The following MGAT4D variants were observed in gnomAD, a reference collection of about 807,000 sequenced individuals.
MGAT4D encodes the protein MGAT4 family member D, also known as alpha-1,3-mannosyl-glycoprotein 4-beta-N-acetylglucosaminyltransferase-like protein MGAT4D.
A neutral mutation model predicts 15.9 loss-of-function variants in MGAT4D; 34 were observed. The ratio of observed to expected loss-of-function variants is 2.14; its 90% CI spans 1.62 to 2.84. The LOEUF (loss-of-function observed/expected upper bound fraction) is 2.84, where lower values mean the gene tolerates loss of function less well. MGAT4D is among the 30% of genes most tolerant of loss of function. The pLI is 0.00. For missense variants in MGAT4D, 327 were observed against 140.2 expected (o/e 2.33, Z -6.73); for synonymous variants, 112 against 48.2 (o/e 2.33, Z -5.49).
At chr4:140,488,501 G>A (rs1236015963) in intron 1 of MGAT4D, among the ~76,000 whole-genome samples, 1 of 152,218 alleles carries the variant, frequency 6.6e-6, no homozygotes, top group Non-Finnish European at 1.5e-5. Context: ...AGTGCCACAG[G>A]CACAGGAAGG....
At chr4:140,452,628 T>A (rs1176688411) in intron 9 of MGAT4D, among the ~76,000 whole-genome samples, 2 of 152,192 alleles carry the variant, frequency 1.3e-5, no homozygotes, top group Non-Finnish European at 2.9e-5. Flanking sequence ...GTTGCTTACC[T>A]GTTTTGAGAG....
chr4:140,443,890 A>G (rs1393106665), intron 10 of MGAT4D, among the ~76,000 whole-genome samples: 1 of 152,152 alleles, frequency 6.6e-6, no homozygotes, highest in African/African-American at 2.4e-5. Context: ...TAAATTTAAA[A>G]TGAGGACTGA....
chr4:140,474,612 G>A (rs1052152370), intron 4 of MGAT4D, among the ~76,000 whole-genome samples: 5 of 152,160 alleles, frequency 3.3e-5, no homozygotes, highest in African/African-American at 9.7e-5. Context: ...TGTCCTTTTA[G>A]ATTTACATAT....
At chr4:140,466,695 G>C (rs1031186469) in intron 5 of MGAT4D, among the ~76,000 whole-genome samples, 10 of 152,050 alleles carry the variant, frequency 6.6e-5, no homozygotes, top group Admixed American at 6.5e-4. Context: ...GAACAATTGT[G>C]ATTTTTTTCC....
chr4:140,449,377 A>AT (rs1339447742), intron 10 of MGAT4D, among the ~76,000 whole-genome samples: 2 of 152,194 alleles, frequency 1.3e-5, no homozygotes, highest in East Asian at 3.8e-4. Flanking sequence ...TTAAGTTATT[A>AT]TTTTTTGAAC....
Position 140,494,652 on chromosome 4 carries a change from G to GCT in MGAT4D, c.94+3476_94+3477insAG, listed in dbSNP as rs1484096719. Among the ~76,000 whole-genome samples, 13 of 152,254 alleles carry GCT rather than the reference G, an allele frequency of 8.5e-5. No homozygotes were observed. In the East Asian group the frequency reaches 2.1e-3, roughly 25 times the overall value. On this transcript the variant is annotated intron_variant, in intron 1 of 10. Transcript: ENST00000511113. ...TACCCCCAAACCTGCTCCTACCCCA[G>GCT]CCTTTGCTATTTCGGTAAATGGCAG...
At chr4:140,497,764 G>C (rs1733931645) in intron 1 of MGAT4D, among the ~76,000 whole-genome samples, 1 of 152,240 alleles carries the variant, frequency 6.6e-6, no homozygotes, top group African/African-American at 2.4e-5. Flanking sequence ...CAGTTCTTGG[G>C]GTCAGACAGC....
chr4:140,489,203 A>C (rs1733348053), intron 1 of MGAT4D, among the ~76,000 whole-genome samples: 1 of 152,158 alleles, frequency 6.6e-6, no homozygotes, highest in South Asian at 2.1e-4. Context: ...TGTGGTTCCA[A>C]ATAAAGAATA....
chr4:140,456,740 A>C (rs917023706), intron 8 of MGAT4D, 21 bp from the exon 9 acceptor site: 5 of 639,320 alleles, frequency 7.8e-6, no homozygotes, highest in Admixed American at 5.2e-5. Context: ...AAATACAATT[A>C]GATGCAAATA....
chr4:140,495,777 C>T (rs1733796948), intron 1 of MGAT4D, among the ~76,000 whole-genome samples: 1 of 152,132 alleles, frequency 6.6e-6, no homozygotes, highest in South Asian at 2.1e-4. Flanking sequence ...TGCTCTGTCA[C>T]CCAGGCTGAA....
rs114995586 is a variant in MGAT4D at position 140,459,630 on chromosome 4, A to G, written c.763-4T>C. The G allele has an allele frequency of 0.042, 17,217 of 407,880 alleles. 434 individuals carry two copies. The highest frequency in any genetic ancestry group is 0.057 in the Non-Finnish European group (13,100 of 229,248). 25.3% of individuals were successfully genotyped at this position (407,880 alleles called of 1,614,324 possible). ...TAGCTATGATATCATCTTCTAGCTG[A>G]AAAAAAAAACCCAAAAAGACATTAA... On this transcript the variant is annotated splice_region_variant and splice_polypyrimidine_tract_variant and intron_variant, in intron 7 of 10. Transcript: ENST00000511113.
intron 3 of MGAT4D, among the ~76,000 whole-genome samples, chr4:140,478,647 A>G (rs1732496665): frequency 6.6e-6 from 1 of 152,218 alleles, no homozygotes; most frequent in Admixed American, 6.5e-5. Flanking sequence ...GTAAGAAAAC[A>G]TAGAACTCAG....
At chr4:140,488,979 G>A (rs1375010699) in intron 1 of MGAT4D, among the ~76,000 whole-genome samples, 2 of 152,124 alleles carry the variant, frequency 1.3e-5, no homozygotes, top group African/African-American at 4.8e-5. Context: ...CACCATGTTT[G>A]TAGGGCCTGC....
At chr4:140,446,743 G>GTTTTTTTTTTTTTTTTTTTTTTTTT (rs149442061) in intron 10 of MGAT4D, among the ~76,000 whole-genome samples, 4 of 8,170 alleles carry the variant, frequency 4.9e-4, no homozygotes, top group Non-Finnish European at 6.7e-4. Flanking sequence ...TGCTTCTCTA[G>GTTTTTTTTTTTTTTTTTTTTTTTTT]TTTTTTTTTT....
intron 6 of MGAT4D, among the ~76,000 whole-genome samples, chr4:140,462,296 T>G (rs1290837088): frequency 1.3e-5 from 2 of 152,186 alleles, no homozygotes; most frequent in Non-Finnish European, 2.9e-5. Context: ...GTGTTAATAT[T>G]CTTTCTGATT....
At chr4:140,446,880 T>C (rs1299170624) in intron 10 of MGAT4D, among the ~76,000 whole-genome samples, 1 of 150,102 alleles carries the variant, frequency 6.7e-6, no homozygotes, top group Non-Finnish European at 1.5e-5. Flanking sequence ...CTTAGCTGTG[T>C]CCCAGAAATT....
rs2126857433 is a variant in MGAT4D at position 140,487,895 on chromosome 4, C to T, written c.95-5410G>A. Among the ~76,000 whole-genome samples, 4 of 152,264 alleles carry T rather than the reference C, an allele frequency of 2.6e-5. No individual in the cohort carries two copies. In the Middle Eastern group the frequency reaches 0.01, roughly 388 times the overall value. ...ATAAGTCTCCGGCATCAGCTGTGAG[C>T]TTGTTAGAAATGCAGTATCTCAGGC... On this transcript the variant is annotated intron_variant, in intron 1 of 10. Transcript: ENST00000511113.
intron 2 of MGAT4D, among the ~76,000 whole-genome samples, chr4:140,480,993 A>C (rs938887504): frequency 6.6e-6 from 1 of 152,184 alleles, no homozygotes; most frequent in African/African-American, 2.4e-5. Flanking sequence ...GAAATACAAC[A>C]TAAAGCTATG....
chr4:140,479,527 A>C lies in MGAT4D; in HGVS notation c.354T>G (p.Ile118Met), dbSNP rs928557789. The C allele has an allele frequency of 7.2e-6, 4 of 555,268 alleles. No homozygotes were observed. The highest frequency in any genetic ancestry group is 1.3e-5 in the Non-Finnish European group (4 of 314,848). 34.4% of individuals were successfully genotyped at this position (555,268 alleles called of 1,614,324 possible). ...CTTTGCCAATGATTACATCAGGATA[A>C]ATTCTACCTTCTTTCCTTAGATGAG... ...FFPHLRKEGR[I>M]YPDVIIGKGK... is the part of the protein sequence containing the mutation. Residue 118 changes from isoleucine to methionine, a missense_variant, in exon 3 of 11, where the codon ATT becomes ATG. Coordinates refer to ENST00000511113, the MANE Select transcript of MGAT4D (RefSeq NM_001277353.2).
Sources: allele counts gnomAD v4.1 joint callset (sites outside exome capture counted in the v4.1 genomes callset), GRCh38; gene constraint gnomAD v4.1.1; transcripts MANE v1.5; gene names NCBI Gene and HGNC (gene_info 2026-07-23, HGNC 2026-07-21).